The following MKRN1 variants were observed in gnomAD, a reference collection of about 807,000 sequenced individuals.
MKRN1 encodes E3 ubiquitin-protein ligase makorin-1.
Under a neutral mutation model 55.5 loss-of-function variants are expected in MKRN1, and 9 were observed. The ratio of observed to expected loss-of-function variants is 0.16; its 90% CI spans 0.10 to 0.28. The LOEUF (loss-of-function observed/expected upper bound fraction) is 0.28, where lower values mean the gene tolerates loss of function less well. MKRN1 is among the 10% of genes least tolerant of loss of function. The probability of loss-of-function intolerance (pLI) is 1.00; values close to 1 mark genes in which losing one functional copy is unlikely to be tolerated. For missense variants in MKRN1, 488 were observed against 626.7 expected (o/e 0.78, Z 2.36); for synonymous variants, 253 against 235.9 (o/e 1.07, Z -0.66).
At chr7:140,466,520 T>G (rs1794770707) in intron 2 of MKRN1, among the ~76,000 whole-genome samples, 1 of 152,032 alleles carries the variant, frequency 6.6e-6, no homozygotes, top group South Asian at 2.1e-4. Flanking sequence ...TAAAAAAACT[T>G]AAGGCCGGGC....
At chr7:140,460,091 A>C (rs1283502465) in intron 2 of MKRN1, 155 bp from the exon 3 acceptor site, 1 of 671,436 alleles carries the variant, frequency 1.5e-6, no homozygotes, top group Non-Finnish European at 2.6e-6. Flanking sequence ...ACTACCAAAA[A>C]CGCAAAAATT....
At chr7:140,456,182 C>T in intron 5 of MKRN1, 1 of 1,182,608 alleles carries the variant, frequency 8.5e-7, no homozygotes, top group Non-Finnish European at 1.0e-6. Flanking sequence ...TTCACACAGA[C>T]TCCTTTTTCT....
chr7:140,478,943 ACAGCGCTG>A (rs1563100102), intron 1 of MKRN1: 25 of 453,932 alleles, frequency 5.5e-5, no homozygotes, highest in African/African-American at 4.9e-4. Context: ...GCCTCCGCGG[ACAGCGCTG>A]AGGGCTCCGC....
At chr7:140,466,581 G>A (rs1794772486) in intron 2 of MKRN1, among the ~76,000 whole-genome samples, 1 of 151,204 alleles carries the variant, frequency 6.6e-6, no homozygotes, top group Non-Finnish European at 1.5e-5. Context: ...GAGGCGGGTG[G>A]ATCATGAGGT....
Position 140,459,915 on chromosome 7 carries a change from C to G in MKRN1, c.336G>C (p.Leu112Phe). ...DRCRYEHSKP[L>F]KQEEATATEL... is the part of the protein sequence containing the mutation. ...CTGTAGCAGTTGCTTCTTCCTGTTTCAATGGTTTGCTATGTTCATATCTAA... is the reference window on the plus strand; with the variant it reads ...CTGTAGCAGTTGCTTCTTCCTGTTTGAATGGTTTGCTATGTTCATATCTAA... Residue 112 changes from leucine to phenylalanine, a missense_variant, in exon 3 of 8, where the codon TTG becomes TTC. By Grantham distance (22) the Leu-to-Phe change is conservative (BLOSUM62 0). Coordinates refer to ENST00000255977, the MANE Select transcript of MKRN1 (RefSeq NM_013446.4). 6.2e-7 allele frequency: 1 copy of G among 1,613,818 alleles called. No homozygotes were observed.
Position 140,454,728 on chromosome 7 carries a change from G to A in MKRN1, c.1238C>T (p.Ala413Val). 6.2e-7 allele frequency: 1 copy of A among 1,613,734 alleles called. No individual in the cohort carries two copies. Among genetic ancestry groups the A allele is most frequent in the Non-Finnish European group, 8.5e-7 (1 of 1,179,766 alleles). ...QKVGTSSRYR[A>V]QRRNHFWELI... ...TTCCCAGAAGTGGTTCCTTCGTTGG[G>A]CCTGTAAAAAACAAGGCCATGATAG... is the stretch of plus-strand genomic sequence containing the variant. The change falls in exon 8 of 8, where the codon GCC (alanine) becomes GTC (valine). Residue 413 changes from alanine (A) to valine (V), a missense_variant and splice_region_variant. This residue lies in a region of MKRN1 where 278 missense variants were observed against 406.7 expected (regional missense o/e 0.68). Transcript: ENST00000255977.
At chr7:140,460,010 G>A in intron 2 of MKRN1, 74 bp from the exon 3 acceptor site, 1 of 1,264,008 alleles carries the variant, frequency 7.9e-7, no homozygotes, top group East Asian at 2.4e-5. Context: ...AGTTTGGGAA[G>A]CTGAGGTGGG....
intron 1 of MKRN1, among the ~76,000 whole-genome samples, chr7:140,472,910 G>A (rs1244916452): frequency 6.6e-6 from 1 of 151,308 alleles, no homozygotes; most frequent in Non-Finnish European, 1.5e-5. Flanking sequence ...GAGGTCAGGA[G>A]ATCAAGACCA....
chr7:140,456,011 G>A (rs564429344), intron 5 of MKRN1, 111 bp from the exon 6 acceptor site: 9 of 1,068,368 alleles, frequency 8.4e-6, no homozygotes, highest in Admixed American at 2.2e-5. Context: ...TGAAAGGCAC[G>A]TGGGCATTTC....
chr7:140,475,325 A>AC lies in MKRN1; in HGVS notation c.186-3315dup, dbSNP rs1049181224. The AC allele has an allele frequency of 8.5e-5, 32 of 378,606 alleles. 1 individual carries two copies. The highest frequency in any genetic ancestry group is 1.6e-4 in the Non-Finnish European group (30 of 192,586). The allele number at this position is 378,606 out of a possible 1,614,324, so 23.5% of individuals were successfully genotyped here. On this transcript the variant is annotated intron_variant, in intron 1 of 7. Coordinates refer to ENST00000255977, the MANE Select transcript of MKRN1 (RefSeq NM_013446.4). ...GCCACTGCACTCCAGCTTGGGCGAC[A>AC]CAGACTCCATCTCAGAAAACAAACA...
chr7:140,461,049 T>A (rs1794603232), intron 2 of MKRN1, among the ~76,000 whole-genome samples: 1 of 152,228 alleles, frequency 6.6e-6, no homozygotes, highest in South Asian at 2.1e-4. Flanking sequence ...GTTCCCATGG[T>A]AACTCTGCCA....
At chr7:140,479,537 G>A (rs1361285442), upstream of MKRN1, 7 of 498,438 alleles carry the variant, frequency 1.4e-5, no homozygotes, top group East Asian at 2.1e-4. Flanking sequence ...GAGCATGCGC[G>A]CCCGCGGCCC....
At chr7:140,472,835 G>A (rs1794974058) in intron 1 of MKRN1, among the ~76,000 whole-genome samples, 1 of 151,474 alleles carries the variant, frequency 6.6e-6, no homozygotes, top group South Asian at 2.1e-4. Context: ...GAAAAAAAAA[G>A]GGCCAGGCGT....
intron 2 of MKRN1, among the ~76,000 whole-genome samples, chr7:140,468,367 C>T (rs1348470656): frequency 3.3e-5 from 5 of 152,126 alleles, no homozygotes; most frequent in Non-Finnish European, 7.3e-5. Context: ...GTGTGAAGTT[C>T]TCATGACTCT....
chr7:140,477,324 T>A (rs1171398125), intron 1 of MKRN1, among the ~76,000 whole-genome samples: 3 of 131,784 alleles, frequency 2.3e-5, no homozygotes, highest in African/African-American at 1.3e-4. Context: ...TTCTTTCTTT[T>A]TCTTTTTTGT....
intron 2 of MKRN1, among the ~76,000 whole-genome samples, chr7:140,466,722 T>A (rs1585481460): frequency 6.8e-6 from 1 of 146,572 alleles, no homozygotes; most frequent in Non-Finnish European, 1.5e-5. Context: ...GAGAATGGCG[T>A]GAACGTGGGA....
intron 5 of MKRN1, 130 bp downstream of exon 5, chr7:140,456,522 A>T (rs1309066223): frequency 6.8e-7 from 1 of 1,464,502 alleles, no homozygotes; most frequent in Non-Finnish European, 9.0e-7. Flanking sequence ...AGAAATCCCC[A>T]TTAGAATATC....
chr7:140,466,088 C>CA (rs1348817002), intron 2 of MKRN1, among the ~76,000 whole-genome samples: 1 of 151,604 alleles, frequency 6.6e-6, no homozygotes, highest in East Asian at 1.9e-4. Flanking sequence ...TCAAAAAAAA[C>CA]AAAAAAAGAT....
chr7:140,459,365 C>A lies in MKRN1; in HGVS notation c.545-132G>T. 7 of 899,068 alleles carry A rather than the reference C, an allele frequency of 7.8e-6. No individual in the cohort carries two copies. The South Asian group carries it at 1.3e-4, about 16-fold the overall frequency. The allele number at this position is 899,068 out of a possible 1,614,324, so 55.7% of individuals were successfully genotyped here. On this transcript the variant is annotated intron_variant, in intron 3 of 7. Coordinates refer to ENST00000255977, the MANE Select transcript of MKRN1 (RefSeq NM_013446.4). ...CCAAAACAGTCTACTGAACTAACTTCTTCACTTGAAAGAAAGGAATTTTTT... is the reference window on the plus strand; with the variant it reads ...CCAAAACAGTCTACTGAACTAACTTATTCACTTGAAAGAAAGGAATTTTTT...
Sources: gnomAD v4.1 joint callset for allele counts (sites outside exome capture counted in the v4.1 genomes callset) on GRCh38, gnomAD v4.1.1 for gene constraint, gnomAD v4.1.1 regional missense constraint, MANE v1.5 for transcripts, NCBI Gene and HGNC (gene_info 2026-07-23, HGNC 2026-07-21) for gene names.